KEL: variants seen among roughly 807,000 people sequenced by gnomAD.
KEL encodes Kell metallo-endopeptidase (Kell blood group), also known as kell blood group glycoprotein.
KEL carries 96 observed loss-of-function variants against 99.5 expected under a neutral mutation model. The observed-to-expected ratio is 0.97, with a 90% CI of 0.82 to 1.14. The LOEUF is 1.14. Ranked by LOEUF, KEL falls within the 50% of genes most tolerant of loss-of-function variation. The pLI is 0.00. For synonymous variants in KEL, 355 were observed against 354.8 expected (o/e 1.00, Z -0.01); for missense variants, 926 against 924.2 (o/e 1.00, Z -0.03).
At chr7:142,944,888 A>G in intron 11 of KEL, 147 bp from the exon 12 acceptor site, 1 of 701,532 alleles carries the variant, frequency 1.4e-6, no homozygotes, top group Non-Finnish European at 2.6e-6. Flanking sequence ...GCTCAACTAA[A>G]GCAACTAAAG....
At chr7:142,944,849 C>A in intron 11 of KEL, 108 bp from the exon 12 acceptor site, 1 of 848,236 alleles carries the variant, frequency 1.2e-6, no homozygotes, top group East Asian at 2.6e-5. Context: ...CAAGGAGCTG[C>A]CTGGGCTGGA....
chr7:142,944,504 G>A, intron 12 of KEL, 104 bp from the exon 13 acceptor site: 1 of 1,206,936 alleles, frequency 8.3e-7, no homozygotes, highest in Non-Finnish European at 1.2e-6. Context: ...TTGCCAGTGT[G>A]AGTATACAGC....
intron 18 of KEL, among the ~76,000 whole-genome samples, chr7:142,941,882 C>T (rs547179940): frequency 6.6e-6 from 1 of 151,316 alleles, no homozygotes; most frequent in East Asian, 1.9e-4. Flanking sequence ...GATCTTGGCT[C>T]ACTGCAACCT....
At chr7:142,952,960 TC>T (rs1483111491) in intron 9 of KEL, among the ~76,000 whole-genome samples, 2 of 152,140 alleles carry the variant, frequency 1.3e-5, no homozygotes, top group Non-Finnish European at 2.9e-5. Context: ...CTGGTTATCC[TC>T]AGATGTATCT....
chr7:142,944,491 T>C, intron 12 of KEL, 91 bp from the exon 13 acceptor site: 2 of 1,237,434 alleles, frequency 1.6e-6, no homozygotes, highest in Admixed American at 1.7e-5. Context: ...GCCTCTCACA[T>C]TGTTGCCAGT....
Position 142,954,447 on chromosome 7 carries a change from G to T in KEL, c.735+18C>A. On this transcript the variant is annotated intron_variant, in intron 7 of 18. Transcript: ENST00000355265. ...CCTGGCCTCAGAGGGCAGGGCCTTT[G>T]TCCATGTGCCATCTTACCTGGGCAT... The T allele has an allele frequency of 6.2e-7, 1 of 1,612,792 alleles. No homozygotes were observed. Among genetic ancestry groups the T allele is most frequent in the Non-Finnish European group, 8.5e-7 (1 of 1,178,792 alleles).
intron 8 of KEL, 22 bp from the exon 9 acceptor site, chr7:142,953,978 T>G: frequency 6.2e-7 from 1 of 1,611,248 alleles, no homozygotes; most frequent in Non-Finnish European, 8.5e-7. Flanking sequence ...GACACAAAGC[T>G]GAGGGGGAAA....
At chr7:142,959,717 C>A (rs1008151277) in intron 4 of KEL, among the ~76,000 whole-genome samples, 2 of 152,120 alleles carry the variant, frequency 1.3e-5, no homozygotes, top group African/African-American at 4.8e-5. Flanking sequence ...TCTGAATCAT[C>A]CACCCTCTAA....
intron 18 of KEL, among the ~76,000 whole-genome samples, chr7:142,941,890 C>T: frequency 6.6e-6 from 1 of 151,368 alleles, no homozygotes; most frequent in East Asian, 1.9e-4. Flanking sequence ...CTCACTGCAA[C>T]CTCCGCCTCC....
At chr7:142,952,363 T>A in intron 10 of KEL, 146 bp downstream of exon 10, 1 of 1,035,462 alleles carries the variant, frequency 9.7e-7, no homozygotes, top group Non-Finnish European at 1.5e-6. Context: ...TCTGTCCAAC[T>A]TGCCTGCTTC....
chr7:142,960,989 C>A lies in KEL; in HGVS notation c.339G>T (p.Glu113Asp), dbSNP rs1195025306. 1 of 1,614,238 alleles carries A rather than the reference C, an allele frequency of 6.2e-7. No individual in the cohort carries two copies. The highest frequency in any genetic ancestry group is 8.5e-7 in the Non-Finnish European group (1 of 1,180,046). ...FFSFACGRAK[E>D]TNNSFQELAT... ...CAAGCTCCTGAAAAGAATTATTGGT[C>A]TCTTTGGCCCTTCCACAGGCAAAGC... Residue 113 changes from glutamate (E) to aspartate (D), a missense_variant, in exon 4 of 19, where the codon GAG becomes GAT. Physicochemically the swap from Glu to Asp is conservative, Grantham distance 45. Coordinates refer to ENST00000355265, the MANE Select transcript of KEL (RefSeq NM_000420.3).
In KEL at chr7:142,957,972, A is replaced by G. The variant is rs1256088303; in HGVS notation, c.527T>C (p.Leu176Pro). Reference protein sequence around the residue: ...TGPLRQVIEELGGWRISGKWT... With the variant: ...TGPLRQVIEEPGGWRISGKWT... ...TTTACCAGAGATGCGCCAGCCTCCA[A>G]GCTTTAAAGGAGAGAGAGGGGGCTG... Residue 176 changes from leucine (L) to proline (P), a missense_variant and splice_region_variant, in exon 6 of 19, where the codon CTT (leucine) becomes CCT (proline). Coordinates refer to ENST00000355265, the MANE Select transcript of KEL (RefSeq NM_000420.3). 6.2e-7 allele frequency: 1 copy of G among 1,613,980 alleles called. No individual in the cohort carries two copies. The highest frequency in any genetic ancestry group is 1.1e-5 in the South Asian group (1 of 91,016).
In KEL at chr7:142,946,717, G is replaced by A. The variant is rs538367316; in HGVS notation, c.1204-400C>T. 1.8e-5 allele frequency: 5 copies of A among 275,398 alleles called. No individual in the cohort carries two copies. In the South Asian group the frequency reaches 2.6e-4, roughly 14 times the overall value. 17.1% of individuals were successfully genotyped at this position (275,398 alleles called of 1,614,324 possible). On this transcript the variant is annotated intron_variant, in intron 10 of 18. Coordinates refer to ENST00000355265, the MANE Select transcript of KEL (RefSeq NM_000420.3). The stretch of plus-strand genomic sequence containing the variant: ...CCCAGCAATGACTTCCATCCTCCAT[G>A]CTTCTTTGCTCAAAACGGAGATTGC...
At position 142,946,258 on chromosome 7, in the gene KEL, C is replaced by T. The variant is rs140212054; in HGVS notation, c.1263G>A (p.Thr421=). 139 of 1,614,140 alleles carry T rather than the reference C, an allele frequency of 8.6e-5. No individual in the cohort carries two copies. In the African/African-American group the frequency reaches 1.2e-3, roughly 14 times the overall value. Residue 421 remains threonine (T), a synonymous_variant, in exon 11 of 19, where the codon ACG becomes ACA. Transcript: ENST00000355265. ...VEETGTFFEP[T]LAALFVREAF... ...CCTCACGAACAAACAAAGCCGCCAG[C>T]GTGGGCTCGAAGAACGTGCCTGTCT...
chr7:142,953,972 C>T lies in KEL; in HGVS notation c.925-16G>A, dbSNP rs777979083. 3 of 1,612,490 alleles carry T rather than the reference C, an allele frequency of 1.9e-6. No homozygotes were observed. The African/African-American group carries it at 4.0e-5, about 22-fold the overall frequency. ...GGGCCATTTCCTTAGAGGAGGGACACAAAGCTGAGGGGGAAAAGGAAAAGA... is the reference window on the plus strand; with the variant it reads ...GGGCCATTTCCTTAGAGGAGGGACATAAAGCTGAGGGGGAAAAGGAAAAGA... On this transcript the variant is annotated splice_polypyrimidine_tract_variant and intron_variant, in intron 8 of 18. Coordinates refer to ENST00000355265, the MANE Select transcript of KEL (RefSeq NM_000420.3).
chr7:142,942,594 C>A, intron 17 of KEL, 65 bp from the exon 18 acceptor site: 2 of 1,215,028 alleles, frequency 1.6e-6, no homozygotes, highest in Non-Finnish European at 1.2e-6. Flanking sequence ...AAAGTCCCTC[C>A]ACACAGTACC....
At position 142,944,352 on chromosome 7, in the gene KEL, G is replaced by A; in HGVS notation, c.1462C>T (p.Pro488Ser). The A allele has an allele frequency of 6.2e-7, 1 of 1,614,058 alleles. No homozygotes were observed. The highest frequency in any genetic ancestry group is 8.5e-7 in the Non-Finnish European group (1 of 1,179,930). The part of the protein sequence containing the change: ...EMGASEWALK[P>S]ELARQEYNDI... ...TTGTATTCTTGTCGGGCCAGCTCTG[G>A]CTTCAGGGCCCATTCTGAAGCCCCC... Residue 488 changes from proline to serine, a missense_variant, in exon 13 of 19, where the codon CCA becomes TCA. By Grantham distance (74) the Pro-to-Ser change is moderately conservative. Transcript: ENST00000355265.
In KEL at chr7:142,944,344, C is replaced by T. The variant is rs767270113; in HGVS notation, c.1470G>A (p.Leu490=). The change falls in exon 13 of 19, where the codon CTG becomes CTA. Residue 490 remains leucine (L), a synonymous_variant. Coordinates refer to ENST00000355265, the MANE Select transcript of KEL (RefSeq NM_000420.3). ...GASEWALKPE[L]ARQEYNDIQL... is the part of the protein sequence containing the mutation. ...CCACATCGTTGTATTCTTGTCGGGC[C>T]AGCTCTGGCTTCAGGGCCCATTCTG... 7 of 1,614,026 alleles carry T rather than the reference C, an allele frequency of 4.3e-6. No homozygotes were observed. The East Asian group carries it at 1.1e-4, about 26-fold the overall frequency.
chr7:142,954,222 C>T lies in KEL; in HGVS notation c.886G>A (p.Gly296Ser), dbSNP rs760254899. The T allele has an allele frequency of 6.2e-7, 1 of 1,612,988 alleles. No individual in the cohort carries two copies. The highest frequency in any genetic ancestry group is 2.2e-5 in the East Asian group (1 of 44,876). Residue 296 changes from glycine (G) to serine (S), a missense_variant, in exon 8 of 19, where the codon GGC (glycine) becomes AGC (serine). Transcript: ENST00000355265. ...LRPLEQRRAQ[G>S]KLFQMVTIDQ... ...ATAGTGACCATCTGGAAGAGCTTGCCCTGTGCCCGCCGCTGCTCCAGGGGC... is the reference window on the plus strand; with the variant it reads ...ATAGTGACCATCTGGAAGAGCTTGCTCTGTGCCCGCCGCTGCTCCAGGGGC...
Sources: gnomAD v4.1 joint callset for allele counts (sites outside exome capture counted in the v4.1 genomes callset) on GRCh38, gnomAD v4.1.1 for gene constraint, MANE v1.5 for transcripts, NCBI Gene and HGNC (gene_info 2026-07-23, HGNC 2026-07-21) for gene names.